PPP6R1: variants seen among roughly 807,000 people sequenced by gnomAD.
PPP6R1 encodes protein phosphatase 6 regulatory subunit 1.
PPP6R1 carries 39 observed loss-of-function variants against 104.6 expected under a neutral mutation model. The ratio of observed to expected loss-of-function variants is 0.37; its 90% CI spans 0.29 to 0.49. The LOEUF (loss-of-function observed/expected upper bound fraction) is 0.49. Ranked by LOEUF, PPP6R1 falls within the 20% of genes least tolerant of loss-of-function variation. The probability of loss-of-function intolerance (pLI) is 0.98; values close to 1 mark genes in which losing one functional copy is unlikely to be tolerated. For missense variants in PPP6R1, 1,181 were observed against 1,155.8 expected (o/e 1.02, Z -0.32); for synonymous variants, 549 against 479.0 (o/e 1.15, Z -1.91).
intron 1 of PPP6R1, 152 bp from the exon 2 acceptor site, chr19:55,247,261 G>A (rs758731498): frequency 1.4e-6 from 1 of 725,610 alleles, no homozygotes; most frequent in Non-Finnish European, 2.3e-6. Context: ...GCCCCGCCCC[G>A]GGACTGCCCG....
At chr19:55,257,914 C>T (rs1351064266) in intron 1 of PPP6R1, among the ~76,000 whole-genome samples, 2 of 152,240 alleles carry the variant, frequency 1.3e-5, no homozygotes, top group African/African-American at 4.8e-5. Flanking sequence ...CTCCCAGGTC[C>T]CTCGCACAAG....
chr19:55,240,802 C>G, intron 10 of PPP6R1, 143 bp downstream of exon 10: 1 of 1,229,150 alleles, frequency 8.1e-7, no homozygotes, highest in Non-Finnish European at 1.1e-6. Flanking sequence ...CTGGCCATGC[C>G]TCCCACACCC....
At chr19:55,242,051 G>C (rs2087463088) in intron 7 of PPP6R1, 115 bp downstream of exon 7, 1 of 974,908 alleles carries the variant, frequency 1.0e-6, no homozygotes, top group African/African-American at 1.6e-5. Flanking sequence ...GGCAGCCACA[G>C]AGCAAGGTGC....
chr19:55,244,547 GC>G (rs1442562547), intron 5 of PPP6R1, among the ~76,000 whole-genome samples: 1 of 152,212 alleles, frequency 6.6e-6, no homozygotes, highest in African/African-American at 2.4e-5. Context: ...CGGATGTGGG[GC>G]CAGCGCTTGG....
Position 55,241,079 on chromosome 19 carries a change from C to T in PPP6R1, c.1162G>A (p.Asp388Asn), listed in dbSNP as rs1352915284. 8 of 1,550,428 alleles carry T rather than the reference C, an allele frequency of 5.2e-6. No individual in the cohort carries two copies. Among genetic ancestry groups the T allele is most frequent in the African/African-American group, 1.4e-5 (1 of 73,098 alleles). ...LALDVPNTML[D>N]LFFHYVFNNF... The stretch of plus-strand genomic sequence containing the variant: ...TTGAAGACATAATGGAAGAAGAGGT[C>T]CTATGGGAGGACACAGGATTGGTAC... The change falls in exon 10 of 24, where the codon GAC (aspartate) becomes AAC (asparagine). Residue 388 changes from aspartate (D) to asparagine (N), a missense_variant and splice_region_variant. By Grantham distance (23) the Asp-to-Asn change is conservative. Transcript: ENST00000412770. The surrounding 1 kb of genome is among the most constrained non-coding windows in gnomAD (Gnocchi z 5.4).
chr19:55,247,316 C>T lies in PPP6R1; in HGVS notation c.-6-207G>A, dbSNP rs139099801. On this transcript the variant is annotated intron_variant, in intron 1 of 23. Transcript: ENST00000412770. The stretch of plus-strand genomic sequence containing the variant: ...ACTCAGGCTTAAGGCTCCCAGTGAG[C>T]ACCAGGCTCCTGCAGTTGCCCTCGA... The T allele has an allele frequency of 7.1e-3, 4,174 of 588,674 alleles. 34 individuals carry two copies. Among genetic ancestry groups the T allele is most frequent in the South Asian group, 0.017 (862 of 49,378 alleles). 36.5% of individuals were successfully genotyped at this position (588,674 alleles called of 1,614,324 possible).
At chr19:55,240,726 T>C (rs1009884995) in intron 10 of PPP6R1, among the ~76,000 whole-genome samples, 1 of 152,148 alleles carries the variant, frequency 6.6e-6, no homozygotes, top group African/African-American at 2.4e-5. Flanking sequence ...CGCCCACCCC[T>C]AGCTCTTCAG....
At chr19:55,251,697 C>A (rs896442752) in intron 1 of PPP6R1, among the ~76,000 whole-genome samples, 1 of 152,172 alleles carries the variant, frequency 6.6e-6, no homozygotes, top group African/African-American at 2.4e-5. Flanking sequence ...TACTTCCCAG[C>A]CCGCTTGACA....
rs549600007 is a variant in PPP6R1, at chr19:55,242,604, C to T, written c.619-116G>A. On this transcript the variant is annotated intron_variant, in intron 5 of 23. Coordinates refer to ENST00000412770, the MANE Select transcript of PPP6R1 (RefSeq NM_014931.4). ...CCAGGGAAAAATGGTCACCCAGACA[C>T]AGGGACACGTGTTACGAAGGAGGAG... The T allele has an allele frequency of 2.3e-5, 19 of 826,496 alleles. No homozygotes were observed. The Middle Eastern group carries it at 1.5e-3, about 65-fold the overall frequency. The allele number at this position is 826,496 out of a possible 1,614,324, so 51.2% of individuals were successfully genotyped here.
chr19:55,249,483 C>T (rs113917426), intron 1 of PPP6R1, among the ~76,000 whole-genome samples: 5,910 of 152,148 alleles, frequency 0.039, 308 homozygotes, highest in African/African-American at 0.12. Flanking sequence ...TCAGGTGATC[C>T]GCCCACCTGG....
intron 15 of PPP6R1, among the ~76,000 whole-genome samples, chr19:55,238,322 T>A (rs1261014439): frequency 1.3e-5 from 2 of 152,230 alleles, no homozygotes; most frequent in Non-Finnish European, 2.9e-5. Context: ...CACGTCTGCA[T>A]CTGAGAGGAC....
In PPP6R1 at chr19:55,245,075, G is replaced by A. The variant is rs1568948663; in HGVS notation, c.618+45C>T. On this transcript the variant is annotated intron_variant, in intron 5 of 23. Coordinates refer to ENST00000412770, the MANE Select transcript of PPP6R1 (RefSeq NM_014931.4). This position sits in a 1 kb window ranked among gnomAD's most constrained non-coding sequence, Gnocchi z 6.4. ...TTAAAAGTGGGGAAGTGGGCATGGG[G>A]AAGGAACTCTAAGGGGAATCCGCAG... 1.2e-6 allele frequency: 2 copies of A among 1,603,566 alleles called. No homozygotes were observed. The highest frequency in any genetic ancestry group is 2.2e-5 in the East Asian group (1 of 44,518).
chr19:55,240,600 C>T (rs1380244087), intron 10 of PPP6R1, among the ~76,000 whole-genome samples: 1 of 151,936 alleles, frequency 6.6e-6, no homozygotes, highest in Non-Finnish European at 1.5e-5. Flanking sequence ...CATACATGTT[C>T]ACATACTCGT....
At chr19:55,236,513 T>C in intron 17 of PPP6R1, 130 bp downstream of exon 17, 1 of 1,064,476 alleles carries the variant, frequency 9.4e-7, no homozygotes, top group Non-Finnish European at 1.3e-6. Context: ...TGCCCCCAAC[T>C]AATACACACA....
intron 5 of PPP6R1, 107 bp from the exon 6 acceptor site, chr19:55,242,595 A>C: frequency 1.1e-6 from 1 of 902,852 alleles, no homozygotes; most frequent in Admixed American, 1.9e-5. Context: ...AAAAATGGTC[A>C]CCCAGACACA....
At chr19:55,249,731 C>T (rs1379966645) in intron 1 of PPP6R1, among the ~76,000 whole-genome samples, 1 of 152,108 alleles carries the variant, frequency 6.6e-6, no homozygotes, top group Non-Finnish European at 1.5e-5. Context: ...GTCCCAGCTA[C>T]TCGGGAGGCT....
intron 1 of PPP6R1, 137 bp downstream of exon 1, chr19:55,258,297 GA>G: frequency 6.5e-6 from 1 of 152,758 alleles, no homozygotes; most frequent in Non-Finnish European, 1.5e-5. Flanking sequence ...GAGGAAACCC[GA>G]AGGAAGGAGG....
Position 55,246,986 on chromosome 19 carries a change from C to G in PPP6R1, c.118G>C (p.Val40Leu), listed in dbSNP as rs1013336430. 1.9e-6 allele frequency: 3 copies of G among 1,613,876 alleles called. No homozygotes were observed. The highest frequency in any genetic ancestry group is 2.5e-6 in the Non-Finnish European group (3 of 1,179,872). ...EEDVLQECKV[V>L]NRKLLDFLLQ... is the part of the protein sequence containing the mutation. ...AGGAAGTCCAGCAGCTTGCGGTTGACGACCTTGCACTCCTGCAGCACGTCT... is the reference window on the plus strand; with the variant it reads ...AGGAAGTCCAGCAGCTTGCGGTTGAGGACCTTGCACTCCTGCAGCACGTCT... Residue 40 changes from valine to leucine, a missense_variant, in exon 2 of 24, where the codon GTC (valine) becomes CTC (leucine). Transcript: ENST00000412770.
intron 10 of PPP6R1, 137 bp from the exon 11 acceptor site, chr19:55,240,437 G>C (rs528433177): frequency 4.5e-6 from 4 of 880,168 alleles, no homozygotes; most frequent in Non-Finnish European, 3.5e-6. Context: ...ATGGGAAGGA[G>C]GGATGCAAGC....
Sources: allele counts gnomAD v4.1 joint callset (sites outside exome capture counted in the v4.1 genomes callset), GRCh38; gene constraint gnomAD v4.1.1; non-coding constraint Gnocchi (gnomAD v3.1); transcripts MANE v1.5; gene names NCBI Gene and HGNC (gene_info 2026-07-23, HGNC 2026-07-21).